Variants in CEP128 observed in about 807,000 individuals in gnomAD.
CEP128 encodes the protein centrosomal protein 128kDa.
In CEP128, 132 loss-of-function variants were observed where a neutral mutation model predicts 156.7. That is an observed-to-expected ratio of 0.84 (90% confidence interval 0.73 to 0.97). The LOEUF (loss-of-function observed/expected upper bound fraction) is 0.97, where lower values mean the gene tolerates loss of function less well. Ranked by LOEUF, CEP128 falls within the 50% of genes least tolerant of loss-of-function variation. The pLI is 0.00. For synonymous variants in CEP128, 469 were observed against 448.9 expected (o/e 1.04, Z -0.57); for missense variants, 1,252 against 1,281.9 (o/e 0.98, Z 0.36).
chr14:80,700,584 C>CAAA (rs1467158348), intron 19 of CEP128, among the ~76,000 whole-genome samples: 2 of 152,104 alleles, frequency 1.3e-5, no homozygotes, highest in Non-Finnish European at 2.9e-5. Flanking sequence ...ATTTTTAAAT[C>CAAA]AGTAACTTTT....
At chr14:80,949,080 C>T (rs190869747) in intron 2 of CEP128, among the ~76,000 whole-genome samples, 3 of 151,982 alleles carry the variant, frequency 2.0e-5, no homozygotes, top group African/African-American at 4.8e-5. Context: ...CCAGATTTAC[C>T]CTCCCACCAG....
At chr14:80,946,338 C>A (rs1324596120), upstream of CEP128, among the ~76,000 whole-genome samples, 1 of 137,448 alleles carries the variant, frequency 7.3e-6, no homozygotes, top group East Asian at 2.1e-4. Flanking sequence ...ATGATGATGC[C>A]TCATGATGCA....
chr14:80,677,811 G>A (rs1371294627), intron 19 of CEP128, among the ~76,000 whole-genome samples: 1 of 151,764 alleles, frequency 6.6e-6, no homozygotes, highest in Non-Finnish European at 1.5e-5. Flanking sequence ...AATTGTAATT[G>A]GAGTATTAGA....
At chr14:80,756,107 A>T (rs982009950) in intron 18 of CEP128, among the ~76,000 whole-genome samples, 1 of 152,244 alleles carries the variant, frequency 6.6e-6, no homozygotes, top group Non-Finnish European at 1.5e-5. Flanking sequence ...GAGGAAAAGA[A>T]AAATGAGAAA....
At chr14:80,701,040 G>T (rs936293752) in intron 19 of CEP128, among the ~76,000 whole-genome samples, 5 of 152,114 alleles carry the variant, frequency 3.3e-5, no homozygotes, top group Non-Finnish European at 5.9e-5. Flanking sequence ...TGCGTGGAGA[G>T]GAAGAAGCTC....
At chr14:80,658,939 C>T (rs984376950) in intron 19 of CEP128, among the ~76,000 whole-genome samples, 7 of 152,098 alleles carry the variant, frequency 4.6e-5, no homozygotes, top group Non-Finnish European at 1.0e-4. Context: ...CCAGACTGCA[C>T]AATGCAACTT....
intron 19 of CEP128, among the ~76,000 whole-genome samples, chr14:80,623,300 G>T: frequency 6.7e-6 from 1 of 149,168 alleles, no homozygotes; most frequent in Non-Finnish European, 1.5e-5. Context: ...CACACTCTGG[G>T]GACTGTTGTG....
intron 18 of CEP128, 73 bp from the exon 19 acceptor site, chr14:80,743,340 A>G: frequency 8.3e-7 from 1 of 1,198,412 alleles, no homozygotes; most frequent in East Asian, 2.5e-5. Flanking sequence ...ATGAAGAAAA[A>G]AATAAGTAAC....
chr14:80,870,144 C>A (rs1056138048), intron 8 of CEP128, among the ~76,000 whole-genome samples: 14 of 152,078 alleles, frequency 9.2e-5, no homozygotes, highest in African/African-American at 3.4e-4. Flanking sequence ...AACCTGATTA[C>A]TTCACAGGTA....
At chr14:80,532,881 C>G (rs1158783736) in intron 21 of CEP128, among the ~76,000 whole-genome samples, 1 of 152,118 alleles carries the variant, frequency 6.6e-6, no homozygotes, top group African/African-American at 2.4e-5. Context: ...TACCTTTACT[C>G]TGCCATTCTG....
chr14:80,512,405 G>C (rs1888303660), intron 23 of CEP128, among the ~76,000 whole-genome samples: 1 of 151,968 alleles, frequency 6.6e-6, no homozygotes, highest in Admixed American at 6.6e-5. Context: ...AGCTACTCCT[G>C]CTGTTTTGGG....
At chr14:80,650,932 T>A (rs1424443204) in intron 19 of CEP128, among the ~76,000 whole-genome samples, 3 of 152,146 alleles carry the variant, frequency 2.0e-5, no homozygotes, top group Non-Finnish European at 2.9e-5. Flanking sequence ...GCTGGCCTCA[T>A]AAAATGAGTT....
intron 8 of CEP128, among the ~76,000 whole-genome samples, chr14:80,894,034 A>G (rs1308490200): frequency 6.6e-6 from 1 of 152,032 alleles, no homozygotes; most frequent in Admixed American, 6.6e-5. Flanking sequence ...TCTAAATGTG[A>G]AAGGTAGAAC....
At position 80,756,842 on chromosome 14, in the gene CEP128, C is replaced by T. The variant is rs571903217; in HGVS notation, c.2613+50G>A. ...TAAATAGCTAAACCAAATAGGATGGCTTAAAGATCATAAATATTACAATAA... is the reference window on the plus strand; with the variant it reads ...TAAATAGCTAAACCAAATAGGATGGTTTAAAGATCATAAATATTACAATAA... On this transcript the variant is annotated intron_variant, in intron 18 of 24. Transcript: ENST00000555265. 43 of 1,227,044 alleles carry T rather than the reference C, an allele frequency of 3.5e-5. No individual in the cohort carries two copies. In the South Asian group the frequency reaches 5.2e-4, roughly 15 times the overall value. The allele number at this position is 1,227,044 out of a possible 1,614,324, so 76.0% of individuals were successfully genotyped here. A position where few individuals can be genotyped will look rare whatever the true frequency, so the allele number is the denominator to read the frequency against.
chr14:80,540,783 A>G (rs1405203489), intron 21 of CEP128, among the ~76,000 whole-genome samples: 1 of 152,138 alleles, frequency 6.6e-6, no homozygotes, highest in African/African-American at 2.4e-5. Flanking sequence ...CTTGCTGAAC[A>G]GTAGCAGAAA....
In CEP128 at chr14:80,713,668, C is replaced by T. The variant is rs533754905; in HGVS notation, c.2806+29407G>A. Among the ~76,000 whole-genome samples, 59 of 152,238 alleles carry T rather than the reference C, an allele frequency of 3.9e-4. 1 individual carries two copies. Among genetic ancestry groups the T allele is most frequent in the African/African-American group, 1.4e-3 (59 of 41,542 alleles). On this transcript the variant is annotated intron_variant, in intron 19 of 24. Coordinates refer to ENST00000555265, the MANE Select transcript of CEP128 (RefSeq NM_152446.5). ...AAGGTCTTATTGTTCTTTAATCTCCCCTGTTTTGCACATAGTAGATTGATT... is the reference window on the plus strand; with the variant it reads ...AAGGTCTTATTGTTCTTTAATCTCCTCTGTTTTGCACATAGTAGATTGATT...
chr14:80,809,591 A>G (rs1170106719), intron 13 of CEP128, among the ~76,000 whole-genome samples: 1 of 152,204 alleles, frequency 6.6e-6, no homozygotes, highest in African/African-American at 2.4e-5. Context: ...TGAATCACAA[A>G]GAGGAAATTC....
In CEP128 at chr14:80,671,855, G is replaced by A. The variant is rs184920583; in HGVS notation, c.2806+71220C>T. 6.9e-4 allele frequency among the ~76,000 whole-genome samples: 97 copies of A among 140,416 alleles called. No homozygotes were observed. The East Asian group carries it at 0.015, about 21-fold the overall frequency. The allele number at this position is 140,416 out of a possible 152,430, so 92.1% of individuals were successfully genotyped here. On this transcript the variant is annotated intron_variant, in intron 19 of 24. Coordinates refer to ENST00000555265, the MANE Select transcript of CEP128 (RefSeq NM_152446.5). Reference sequence around the variant, plus strand: ...ATAGTAAACTGTTTTCTCCTTCTTGGGTTTTTTGTGTATGGGGGGGTGGGG... The same window carrying A: ...ATAGTAAACTGTTTTCTCCTTCTTGAGTTTTTTGTGTATGGGGGGGTGGGG...
At chr14:80,581,750 T>C (rs1891602843) in intron 19 of CEP128, among the ~76,000 whole-genome samples, 1 of 152,176 alleles carries the variant, frequency 6.6e-6, no homozygotes, top group Non-Finnish European at 1.5e-5. Flanking sequence ...TTGATTGGCA[T>C]ATCAGGTTCT....
Sources: allele counts gnomAD v4.1 joint callset (sites outside exome capture counted in the v4.1 genomes callset), GRCh38; gene constraint gnomAD v4.1.1; transcripts MANE v1.5; gene names NCBI Gene and HGNC (gene_info 2026-07-23, HGNC 2026-07-21).